Variants in DOCK4 observed in about 807,000 individuals in gnomAD.
DOCK4 encodes the protein dedicator of cytokinesis protein 4.
In DOCK4, 97 loss-of-function variants were observed where a neutral mutation model predicts 268.1. The ratio of observed to expected loss-of-function variants is 0.36; its 90% CI spans 0.31 to 0.43. The LOEUF is 0.43. Ranked by LOEUF, DOCK4 falls within the 20% of genes least tolerant of loss-of-function variation. DOCK4 has a pLI of 1.00. For synonymous variants in DOCK4, 954 were observed against 887.2 expected (o/e 1.08, Z -1.34); for missense variants, 2,145 against 2,455.7 (o/e 0.87, Z 2.67).
chr7:112,107,593 G>C (rs1020954569), intron 1 of DOCK4, among the ~76,000 whole-genome samples: 2 of 152,206 alleles, frequency 1.3e-5, no homozygotes, highest in African/African-American at 4.8e-5. Flanking sequence ...AATTCCAGCA[G>C]ACGAACACAA....
At chr7:112,051,290 A>T (rs1242163318) in intron 1 of DOCK4, among the ~76,000 whole-genome samples, 1 of 152,154 alleles carries the variant, frequency 6.6e-6, no homozygotes, top group Non-Finnish European at 1.5e-5. Flanking sequence ...ACTCTCTCAG[A>T]GGATGAGGAT....
At chr7:111,881,602 T>C (rs1426701090) in intron 16 of DOCK4, among the ~76,000 whole-genome samples, 2 of 152,230 alleles carry the variant, frequency 1.3e-5, no homozygotes, top group Non-Finnish European at 2.9e-5. Context: ...GAAATCAATA[T>C]ATCAAAGAGA....
At chr7:112,007,092 TG>T in intron 1 of DOCK4, among the ~76,000 whole-genome samples, 1 of 152,340 alleles carries the variant, frequency 6.6e-6, no homozygotes, top group Non-Finnish European at 1.5e-5. Context: ...GATTTCCTGA[TG>T]TTACTCCTTC....
chr7:112,165,559 T>TGTGTGCGCGC (rs59052406), intron 1 of DOCK4, among the ~76,000 whole-genome samples: 4 of 148,152 alleles, frequency 2.7e-5, no homozygotes, highest in South Asian at 2.2e-4. Flanking sequence ...TGTGTGTGTG[T>TGTGTGCGCGC]GCGTGTGTGT....
chr7:111,909,977 GAA>G (rs1200280109), intron 13 of DOCK4, among the ~76,000 whole-genome samples: 1 of 108,370 alleles, frequency 9.2e-6, no homozygotes, highest in African/African-American at 3.3e-5. Flanking sequence ...AAAGAAAAAA[GAA>G]AAAAAAAAAA....
At chr7:112,085,223 A>T (rs988491126) in intron 1 of DOCK4, among the ~76,000 whole-genome samples, 9 of 152,126 alleles carry the variant, frequency 5.9e-5, no homozygotes, top group Admixed American at 2.0e-4. Flanking sequence ...CTTGAATCAA[A>T]GGGTCAGGAT....
intron 44 of DOCK4, among the ~76,000 whole-genome samples, chr7:111,744,731 T>C (rs892066297): frequency 3.3e-5 from 5 of 152,218 alleles, no homozygotes; most frequent in African/African-American, 1.2e-4. Flanking sequence ...ATGGATGACC[T>C]CAACTGCTCA....
intron 12 of DOCK4, among the ~76,000 whole-genome samples, chr7:111,928,588 T>TTTC (rs919907206): frequency 9.1e-6 from 1 of 109,798 alleles, no homozygotes; most frequent in African/African-American, 3.3e-5. Context: ...TTCTTTTTCT[T>TTTC]TTTTTTTTTT....
chr7:112,040,869 T>C (rs1321264731), intron 1 of DOCK4, among the ~76,000 whole-genome samples: 2 of 152,248 alleles, frequency 1.3e-5, no homozygotes, highest in South Asian at 2.1e-4. Flanking sequence ...TGTATATGTT[T>C]ATGAACATGC....
chr7:112,153,329 C>T (rs575027239), intron 1 of DOCK4, among the ~76,000 whole-genome samples: 3 of 152,136 alleles, frequency 2.0e-5, no homozygotes, highest in Non-Finnish European at 4.4e-5. Flanking sequence ...AAGGAAAATA[C>T]TAAAATCACA....
intron 1 of DOCK4, among the ~76,000 whole-genome samples, chr7:112,170,352 T>C (rs895609292): frequency 2.0e-5 from 3 of 151,888 alleles, no homozygotes; most frequent in Non-Finnish European, 2.9e-5. Flanking sequence ...TCCCAGCTAC[T>C]CAGGAGGCTG....
rs750103035 is a variant in DOCK4, at chr7:111,989,055, C to T, written c.424G>A (p.Val142Met). Residue 142 changes from valine to methionine, a missense_variant, in exon 6 of 53, where the codon GTG (valine) becomes ATG (methionine). Val to Met is a conservative substitution (Grantham distance 21). Coordinates refer to ENST00000428084, the MANE Select transcript of DOCK4 (RefSeq NM_001363540.2). ...GHLTHDRMKD[V>M]KRHITARLDW... ...AGCCGGGCAGTAATGTGGCGCTTCA[C>T]GTCCTTCATCCGGTCGTGGGTGAGG... The T allele has an allele frequency of 2.5e-6, 4 of 1,613,868 alleles. No homozygotes were observed. Among genetic ancestry groups the T allele is most frequent in the African/African-American group, 1.3e-5 (1 of 75,050 alleles).
chr7:111,766,979 G>T, intron 38 of DOCK4, 53 bp downstream of exon 38: 2 of 1,388,722 alleles, frequency 1.4e-6, no homozygotes, highest in East Asian at 2.3e-5. Context: ...ACACTGGAAA[G>T]CTAATCACAA....
intron 36 of DOCK4, among the ~76,000 whole-genome samples, chr7:111,773,871 G>T (rs1353121552): frequency 1.3e-5 from 2 of 151,706 alleles, no homozygotes; most frequent in African/African-American, 4.8e-5. Context: ...AAAAAAATTA[G>T]CTGGCTGTGG....
intron 12 of DOCK4, among the ~76,000 whole-genome samples, chr7:111,918,194 A>C (rs914950551): frequency 3.9e-4 from 60 of 152,352 alleles, no homozygotes; most frequent in African/African-American, 1.1e-3. Context: ...GAAAAGGAGG[A>C]CAGGGACATG....
intron 8 of DOCK4, among the ~76,000 whole-genome samples, chr7:111,975,749 ATAAGT>A (rs1396042581): frequency 3.9e-5 from 6 of 152,216 alleles, no homozygotes; most frequent in African/African-American, 1.4e-4. Flanking sequence ...CGACTAAGAT[ATAAGT>A]TAATTCAACA....
chr7:112,122,925 C>T (rs7786375), intron 1 of DOCK4, among the ~76,000 whole-genome samples: 3 of 152,128 alleles, frequency 2.0e-5, no homozygotes, highest in East Asian at 3.9e-4. Context: ...GAGGTGTAGA[C>T]GCCAAGGGAA....
chr7:111,850,686 C>T (rs1182533135), intron 23 of DOCK4, among the ~76,000 whole-genome samples: 1 of 152,140 alleles, frequency 6.6e-6, no homozygotes, highest in Non-Finnish European at 1.5e-5. Context: ...CATTCCTTCT[C>T]CTGGACAATG....
At chr7:112,205,255 G>A (rs1821296080) in intron 1 of DOCK4, among the ~76,000 whole-genome samples, 1 of 152,130 alleles carries the variant, frequency 6.6e-6, no homozygotes, top group African/African-American at 2.4e-5. Flanking sequence ...GAACGCCAGT[G>A]TCAGGGTATG....
Sources: gnomAD v4.1 joint callset for allele counts (sites outside exome capture counted in the v4.1 genomes callset) on GRCh38, gnomAD v4.1.1 for gene constraint, MANE v1.5 for transcripts, NCBI Gene and HGNC (gene_info 2026-07-23, HGNC 2026-07-21) for gene names.